The following ECI2 variants were observed in gnomAD, a reference collection of about 807,000 sequenced individuals.
ECI2 encodes the protein enoyl-CoA delta isomerase 2.
A neutral mutation model predicts 38.4 loss-of-function variants in ECI2; 27 were observed. The ratio of observed to expected loss-of-function variants is 0.70; its 90% CI spans 0.52 to 0.97. ECI2 has a LOEUF of 0.97. ECI2 is among the 50% of genes least tolerant of loss of function. The pLI is 0.00. For missense variants in ECI2, 470 were observed against 474.4 expected (o/e 0.99, Z 0.09); for synonymous variants, 168 against 172.0 (o/e 0.98, Z 0.18).
At position 4,126,334 on chromosome 6, in the gene ECI2, C is replaced by T. The variant is rs543571339; in HGVS notation, c.572-97G>A. On this transcript the variant is annotated intron_variant, in intron 5 of 9. Transcript: ENST00000380118. ...ACTCTATGGTTAGGCAAGGGAAATACATTGGAGAACGAGCAATGGTTCCTG... is the reference window on the plus strand; with the variant it reads ...ACTCTATGGTTAGGCAAGGGAAATATATTGGAGAACGAGCAATGGTTCCTG... 6.9e-6 allele frequency: 7 copies of T among 1,009,208 alleles called. No homozygotes were observed. In the South Asian group the frequency reaches 9.3e-5, roughly 13 times the overall value. 62.5% of individuals were successfully genotyped at this position (1,009,208 alleles called of 1,614,324 possible). A position where few individuals can be genotyped will look rare whatever the true frequency, so the allele number is the denominator to read the frequency against.
intron 5 of ECI2, among the ~76,000 whole-genome samples, chr6:4,126,710 T>C (rs1434880499): frequency 6.6e-6 from 1 of 152,132 alleles, no homozygotes; most frequent in Non-Finnish European, 1.5e-5. Flanking sequence ...CGGTGCAGGA[T>C]GAGGACTGGC....
At chr6:4,126,301 C>T (rs558193341) in intron 5 of ECI2, 64 bp from the exon 6 acceptor site, 2 of 1,366,374 alleles carry the variant, frequency 1.5e-6, no homozygotes, top group African/African-American at 2.9e-5. Flanking sequence ...GTATCTACTG[C>T]ATGCCAAACT....
At chr6:4,121,371 G>A (rs1213735007) in intron 7 of ECI2, among the ~76,000 whole-genome samples, 1 of 151,950 alleles carries the variant, frequency 6.6e-6, no homozygotes, top group Non-Finnish European at 1.5e-5. Context: ...TAGAGCGTCA[G>A]GCAAATCTTT....
At chr6:4,129,072 G>T (rs1773359373) in intron 4 of ECI2, among the ~76,000 whole-genome samples, 1 of 152,054 alleles carries the variant, frequency 6.6e-6, no homozygotes, top group South Asian at 2.1e-4. Context: ...AGGATTAAGA[G>T]ATGGATTATC....
At chr6:4,130,084 A>G in intron 4 of ECI2, 1 of 1,606,944 alleles carries the variant, frequency 6.2e-7, no homozygotes, top group Non-Finnish European at 8.5e-7. Context: ...CTTCTATGCA[A>G]ATTCTCTCAT....
intron 8 of ECI2, 177 bp from the exon 9 acceptor site, chr6:4,117,628 A>G (rs1312241852): frequency 6.5e-6 from 5 of 767,826 alleles, no homozygotes; most frequent in African/African-American, 1.8e-5. Flanking sequence ...CTGTGTGCTG[A>G]GACAGGCTCC....
intron 5 of ECI2, among the ~76,000 whole-genome samples, chr6:4,126,442 T>G (rs762138110): frequency 1.8e-4 from 28 of 152,062 alleles, no homozygotes; most frequent in Non-Finnish European, 3.1e-4. Context: ...ACTGTTGAAA[T>G]AGAGGAGTGG....
intron 7 of ECI2, among the ~76,000 whole-genome samples, chr6:4,124,188 C>T (rs1772994621): frequency 6.6e-6 from 1 of 152,158 alleles, no homozygotes; most frequent in Non-Finnish European, 1.5e-5. Flanking sequence ...TGCCTTTGAA[C>T]AGAAACCTCT....
chr6:4,125,414 C>T (rs779380039), intron 6 of ECI2, 44 bp from the exon 7 acceptor site: 1 of 1,611,106 alleles, frequency 6.2e-7, no homozygotes, highest in Non-Finnish European at 8.5e-7. Context: ...GCCAAAGCAG[C>T]ATGACTAAAG....
chr6:4,133,826 T>G, intron 1 of ECI2, 115 bp from the exon 2 acceptor site: 1 of 1,272,436 alleles, frequency 7.9e-7, no homozygotes, highest in East Asian at 2.7e-5. Context: ...TATAGATATT[T>G]TCTTTATACT....
chr6:4,131,143 A>G (rs757035827), intron 2 of ECI2, among the ~76,000 whole-genome samples: 6 of 152,266 alleles, frequency 3.9e-5, no homozygotes, highest in Non-Finnish European at 8.8e-5. Context: ...CTAATGGTTC[A>G]TTAGTTTTAT....
intron 7 of ECI2, among the ~76,000 whole-genome samples, chr6:4,120,076 T>C (rs933167822): frequency 1.3e-5 from 2 of 152,228 alleles, no homozygotes; most frequent in African/African-American, 2.4e-5. Flanking sequence ...GTTAATGCCA[T>C]TGGTGTTGTT....
chr6:4,129,978 T>C (rs1317364604), intron 4 of ECI2, among the ~76,000 whole-genome samples: 2 of 152,090 alleles, frequency 1.3e-5, no homozygotes, highest in South Asian at 2.1e-4. Flanking sequence ...CCTATACTTA[T>C]AAAAAATGAA....
At chr6:4,133,439 G>T in intron 2 of ECI2, 110 bp downstream of exon 2, 1 of 1,284,700 alleles carries the variant, frequency 7.8e-7, no homozygotes, top group Non-Finnish European at 1.1e-6. Context: ...AGAAGAGGGA[G>T]CAAGACAAAC....
intron 7 of ECI2, 53 bp from the exon 8 acceptor site, chr6:4,119,328 T>G: frequency 6.8e-7 from 1 of 1,461,402 alleles, no homozygotes; most frequent in Non-Finnish European, 9.4e-7. Flanking sequence ...GATTTTTTTT[T>G]TTTTTTTTGA....
intron 5 of ECI2, among the ~76,000 whole-genome samples, chr6:4,126,870 T>C (rs917657559): frequency 2.6e-5 from 4 of 152,232 alleles, no homozygotes; most frequent in African/African-American, 9.6e-5. Flanking sequence ...TTCATTTAGA[T>C]GAGTTTTAAT....
intron 4 of ECI2, among the ~76,000 whole-genome samples, chr6:4,129,720 C>T (rs1320565607): frequency 6.6e-6 from 1 of 152,144 alleles, no homozygotes; most frequent in Non-Finnish European, 1.5e-5. Flanking sequence ...AGTGAGTATG[C>T]TCTTTCTGCC....
At chr6:4,134,688 G>C (rs1259451230) in intron 1 of ECI2, among the ~76,000 whole-genome samples, 1 of 152,168 alleles carries the variant, frequency 6.6e-6, no homozygotes, top group East Asian at 1.9e-4. Flanking sequence ...TCAGCCTAGA[G>C]TAAGTTTTAC....
In ECI2 at chr6:4,125,250, C is replaced by T; in HGVS notation, c.795G>A (p.Arg265=). 1 of 1,613,932 alleles carries T rather than the reference C, an allele frequency of 6.2e-7. No individual in the cohort carries two copies. Among genetic ancestry groups the T allele is most frequent in the Non-Finnish European group, 8.5e-7 (1 of 1,179,954 alleles). Residue 265 remains arginine, a splice_region_variant and synonymous_variant, in exon 7 of 10, where the codon AGG becomes AGA. Coordinates refer to ENST00000380118, the MANE Select transcript of ECI2 (RefSeq NM_206836.3). The part of the protein sequence containing the change: ...GLFDAVYASD[R]ATFHTPFSHL... ...TCTTGCTTTCTAGGAGCTGACTTAC[C>T]CTGTCAGATGCATACACGGCATCGA...
Sources: gnomAD v4.1 joint callset for allele counts (sites outside exome capture counted in the v4.1 genomes callset) on GRCh38, gnomAD v4.1.1 for gene constraint, MANE v1.5 for transcripts, NCBI Gene and HGNC (gene_info 2026-07-23, HGNC 2026-07-21) for gene names.